The following ZNF248 variants were observed in gnomAD, a reference collection of about 807,000 sequenced individuals.
ZNF248 encodes the protein KRAB protein domain.
In ZNF248, 20 loss-of-function variants were observed where a neutral mutation model predicts 44.3. The observed-to-expected ratio is 0.45, with a 90% CI of 0.32 to 0.66. The LOEUF is 0.66. Among genes scored for constraint, ZNF248 ranks in the 30% least tolerant of loss-of-function variants. The pLI is 0.04. For synonymous variants in ZNF248, 224 were observed against 229.0 expected (o/e 0.98, Z 0.20); for missense variants, 654 against 677.0 (o/e 0.97, Z 0.38).
intron 1 of ZNF248, chr10:37,856,812 G>T: frequency 1.3e-6 from 1 of 782,362 alleles, no homozygotes; most frequent in Non-Finnish European, 1.6e-6. Context: ...GAGAAACTGT[G>T]ATATAGAGTA....
At chr10:37,839,228 CAT>C (rs1281474221) in intron 3 of ZNF248, among the ~76,000 whole-genome samples, 2 of 152,166 alleles carry the variant, frequency 1.3e-5, no homozygotes, top group African/African-American at 2.4e-5. Flanking sequence ...TGCGTTGTCA[CAT>C]GTCATTGCTA....
intron 3 of ZNF248, among the ~76,000 whole-genome samples, chr10:37,846,621 A>G (rs1267756612): frequency 6.6e-6 from 1 of 152,192 alleles, no homozygotes; most frequent in Non-Finnish European, 1.5e-5. Flanking sequence ...ACTCCAGCCT[A>G]GGGCACACAG....
intron 3 of ZNF248, among the ~76,000 whole-genome samples, chr10:37,853,391 T>C (rs1306345526): frequency 6.6e-6 from 1 of 152,210 alleles, no homozygotes; most frequent in East Asian, 1.9e-4. Context: ...TTTTGTTTTC[T>C]TTTCGAGACG....
intron 6 of ZNF248, among the ~76,000 whole-genome samples, chr10:37,780,514 T>C (rs2047153992): frequency 6.6e-6 from 1 of 152,156 alleles, no homozygotes; most frequent in African/African-American, 2.4e-5. Flanking sequence ...CAAAAATCAA[T>C]TCAAGATGGA....
In ZNF248 at chr10:37,831,729, G is replaced by A. The variant is rs761107937; in HGVS notation, c.1626C>T (p.His542=). The A allele has an allele frequency of 6.2e-6, 10 of 1,613,282 alleles. No individual in the cohort carries two copies. Among genetic ancestry groups the A allele is most frequent in the Middle Eastern group, 1.7e-4 (1 of 6,054 alleles). The change falls in exon 6 of 6, where the codon CAC becomes CAT. Residue 542 remains histidine (H), a synonymous_variant. Transcript: ENST00000395867. ...KSALTKHQRT[H]TGEKPYECNA... Reference sequence around the variant, plus strand: ...TACACTCATACGGCTTCTCCCCTGTGTGAGTCCTCTGATGTTTAGTGAGAG... The same window carrying A: ...TACACTCATACGGCTTCTCCCCTGTATGAGTCCTCTGATGTTTAGTGAGAG...
downstream of ZNF248, among the ~76,000 whole-genome samples, chr10:37,773,561 G>A (rs944229752): frequency 6.6e-6 from 1 of 152,162 alleles, no homozygotes; most frequent in Non-Finnish European, 1.5e-5. Context: ...AAGTACCACA[G>A]ACTAGGTGGT....
At chr10:37,769,203 C>A in the ZNF248 span, among the ~76,000 whole-genome samples, 28 of 152,144 alleles carry the variant, frequency 1.8e-4, no homozygotes, top group South Asian at 4.8e-3. Context: ...ACGAGGAGGA[C>A]CTGGTACCAT....
intron 6 of ZNF248, among the ~76,000 whole-genome samples, chr10:37,798,786 C>A (rs1166833463): frequency 6.6e-6 from 1 of 151,694 alleles, no homozygotes; most frequent in African/African-American, 2.4e-5. Context: ...CCTATAATTC[C>A]CTAGAAGGGG....
chr10:37,856,839 T>C, intron 1 of ZNF248: 1 of 510,134 alleles, frequency 2.0e-6, no homozygotes, highest in South Asian at 8.6e-5. Context: ...TGGGCAGCAG[T>C]GGCTCGGGAA....
At chr10:37,819,985 C>T (rs2133599564) in intron 6 of ZNF248, 1 of 770,852 alleles carries the variant, frequency 1.3e-6, no homozygotes, top group Non-Finnish European at 2.4e-6. Flanking sequence ...GTCTTGCATG[C>T]TCTTATCTCT....
intron 5 of ZNF248, among the ~76,000 whole-genome samples, chr10:37,835,899 ATC>A (rs2057062452): frequency 6.6e-6 from 1 of 152,160 alleles, no homozygotes; most frequent in African/African-American, 2.4e-5. Context: ...CACATATCCA[ATC>A]TCTTAGTCAA....
intron 6 of ZNF248, among the ~76,000 whole-genome samples, chr10:37,797,596 C>A (rs1030142377): frequency 6.6e-6 from 1 of 152,030 alleles, no homozygotes; most frequent in African/African-American, 2.4e-5. Context: ...TAAAAAAATT[C>A]TTATATCCCA....
At chr10:37,765,608 C>T in the ZNF248 span, among the ~76,000 whole-genome samples, 1 of 152,186 alleles carries the variant, frequency 6.6e-6, no homozygotes, top group Non-Finnish European at 1.5e-5. Context: ...CTTAAGTCCA[C>T]AAATCACCAC....
At chr10:37,771,287 A>T in the ZNF248 span, among the ~76,000 whole-genome samples, 2 of 152,180 alleles carry the variant, frequency 1.3e-5, no homozygotes, top group African/African-American at 4.8e-5. Context: ...TACCCAAAGG[A>T]CTATAAATCA....
rs2053170029 is a variant in ZNF248, at chr10:37,819,848, T to C, written c.330+13177A>G. On this transcript the variant is annotated intron_variant, in intron 6 of 6. Coordinates refer to the ZNF248 transcript ENST00000615949. ...CTTTGCTAACATTTTCCGTTGTCTATCTCTTCCCTCTGTGAATTTATCCTT... is the reference window on the plus strand; with the variant it reads ...CTTTGCTAACATTTTCCGTTGTCTACCTCTTCCCTCTGTGAATTTATCCTT... The C allele has an allele frequency of 3.8e-6, 3 of 785,796 alleles. No individual in the cohort carries two copies. The East Asian group carries it at 7.3e-5, about 19-fold the overall frequency. The allele number at this position is 785,796 out of a possible 1,614,324, so 48.7% of individuals were successfully genotyped here.
intron 6 of ZNF248, among the ~76,000 whole-genome samples, chr10:37,785,315 T>C (rs993758239): frequency 3.9e-5 from 6 of 152,192 alleles, no homozygotes; most frequent in African/African-American, 1.4e-4. Flanking sequence ...TTGATCCTAG[T>C]ACAAACTGAG....
At chr10:37,760,781 C>G in the ZNF248 span, among the ~76,000 whole-genome samples, 1 of 152,094 alleles carries the variant, frequency 6.6e-6, no homozygotes, top group Non-Finnish European at 1.5e-5. Flanking sequence ...TTGCAGTGAG[C>G]TGAGATCATG....
chr10:37,824,546 C>T (rs1026669347), downstream of ZNF248, among the ~76,000 whole-genome samples: 2 of 151,856 alleles, frequency 1.3e-5, no homozygotes, highest in Admixed American at 6.6e-5. Context: ...GTTTACCTCA[C>T]ATAATAAATA....
chr10:37,833,933 T>C (rs1476418150), intron 5 of ZNF248, among the ~76,000 whole-genome samples: 1 of 152,046 alleles, frequency 6.6e-6, no homozygotes, highest in Non-Finnish European at 1.5e-5. Context: ...AGAATTAGGT[T>C]TGGCAGAGGT....
Sources: allele counts gnomAD v4.1 joint callset (sites outside exome capture counted in the v4.1 genomes callset), GRCh38; gene constraint gnomAD v4.1.1; transcripts MANE v1.5; gene names NCBI Gene and HGNC (gene_info 2026-07-23, HGNC 2026-07-21).